KIF4B: variants seen among roughly 807,000 people sequenced by gnomAD.
KIF4B encodes chromosome-associated kinesin KIF4B.
Under a neutral mutation model 69.0 loss-of-function variants are expected in KIF4B, and 60 were observed. That is an observed-to-expected ratio of 0.87 (90% CI 0.71 to 1.08). The LOEUF is 1.08. Ranked by LOEUF, KIF4B falls within the 50% of genes least tolerant of loss-of-function variation. KIF4B has a pLI of 0.00. For synonymous variants in KIF4B, 489 were observed against 533.0 expected (o/e 0.92, Z 1.14); for missense variants, 1,357 against 1,451.9 (o/e 0.93, Z 1.06).
In KIF4B at chr5:155,017,123, T is replaced by C. The variant is rs1462792791; in HGVS notation, c.3264T>C (p.Cys1088=). The C allele has an allele frequency of 1.9e-6, 3 of 1,614,010 alleles. No homozygotes were observed. Among genetic ancestry groups the C allele is most frequent in the South Asian group, 2.2e-5 (2 of 91,086 alleles). Residue 1088 remains cysteine, a synonymous_variant, in exon 1 of 1, where the codon TGT becomes TGC. Transcript: ENST00000435029. Reference sequence around the variant, plus strand: ...TGTCCAGGAAGAACATCCAAGGGTGTTCCTGCAAGGGCTGGTGTGGGAACA... The same window carrying C: ...TGTCCAGGAAGAACATCCAAGGGTGCTCCTGCAAGGGCTGGTGTGGGAACA... ...VKVSRKNIQG[C]SCKGWCGNKQ...
At position 155,014,274 on chromosome 5, in the gene KIF4B, T is replaced by G; in HGVS notation, c.415T>G (p.Ser139Ala). The G allele has an allele frequency of 6.2e-7, 1 of 1,614,230 alleles. No homozygotes were observed. Among genetic ancestry groups the G allele is most frequent in the Non-Finnish European group, 8.5e-7 (1 of 1,180,056 alleles). Residue 139 changes from serine to alanine, a missense_variant, in exon 1 of 1, where the codon TCT becomes GCT. Physicochemically the swap from Ser to Ala is moderately conservative, Grantham distance 99 (BLOSUM62 1). Coordinates refer to ENST00000435029, the MANE Select transcript of KIF4B (RefSeq NM_001099293.3). ...TGACTTTGAATTTACTCTGAAAGTG[T>G]CTTACTTAGAGATTTACAATGAAGA... ...KSDFEFTLKVSYLEIYNEEIL... is the reference protein window; with the variant it reads ...KSDFEFTLKVAYLEIYNEEIL...
Position 155,016,749 on chromosome 5 carries a change from C to T in KIF4B, c.2890C>T (p.Gln964Ter). The change falls in exon 1 of 1, where the codon CAG becomes TAG. Residue 964 changes from glutamine to a stop codon, truncating the protein, a stop_gained. Transcript: ENST00000435029. LOFTEE classifies it low-confidence loss of function (END_TRUNC). ...EKEQQLVSTLQCQDEELEKMR... is the reference protein window; with the variant it reads ...EKEQQLVSTL ...GGAACAACAGCTGGTGAGCACACTG[C>T]AGTGTCAGGATGAAGAACTTGAGAA... 1 of 1,614,116 alleles carries T rather than the reference C, an allele frequency of 6.2e-7. No individual in the cohort carries two copies. Among genetic ancestry groups the T allele is most frequent in the Non-Finnish European group, 8.5e-7 (1 of 1,180,034 alleles).
rs756941906 is a variant in KIF4B at position 155,014,083 on chromosome 5, G to A, written c.224G>A (p.Gly75Asp). 1.2e-6 allele frequency: 2 copies of A among 1,614,084 alleles called. No individual in the cohort carries two copies. Among genetic ancestry groups the A allele is most frequent in the African/African-American group, 2.7e-5 (2 of 74,926 alleles). Residue 75 changes from glycine (G) to aspartate (D), a missense_variant, in exon 1 of 1, where the codon GGC (glycine) becomes GAC (aspartate). Gly to Asp is a moderately conservative substitution (Grantham distance 94). Transcript: ENST00000435029. Reference protein sequence around the residue: ...FNKAVAPLIKGIFKGYNATVL... With the variant: ...FNKAVAPLIKDIFKGYNATVL... The stretch of plus-strand genomic sequence containing the variant: ...AAAGCAGTAGCGCCGCTCATAAAAG[G>A]CATATTTAAAGGATATAATGCAACG...
At position 155,013,903 on chromosome 5, in the gene KIF4B, G is replaced by A. The variant is rs200942753; in HGVS notation, c.44G>A (p.Arg15His). The change falls in exon 1 of 1, where the codon CGT (arginine) becomes CAT (histidine). Residue 15 changes from arginine to histidine, a missense_variant. Physicochemically the swap from Arg to His is conservative, Grantham distance 29. Coordinates refer to ENST00000435029, the MANE Select transcript of KIF4B (RefSeq NM_001099293.3). Reference protein sequence around the residue: ...VKGIPVRVALRCRPLVPKEIS... With the variant: ...VKGIPVRVALHCRPLVPKEIS... Reference sequence around the variant, plus strand: ...GGAATTCCTGTAAGAGTGGCACTGCGTTGTCGCCCTCTGGTCCCCAAAGAG... The same window carrying A: ...GGAATTCCTGTAAGAGTGGCACTGCATTGTCGCCCTCTGGTCCCCAAAGAG... The A allele has an allele frequency of 7.2e-5, 117 of 1,614,052 alleles. No individual in the cohort carries two copies. Among genetic ancestry groups the A allele is most frequent in the Non-Finnish European group, 9.3e-5 (110 of 1,180,052 alleles).
Position 155,013,945 on chromosome 5 carries a change from A to G in KIF4B, c.86A>G (p.Gln29Arg), listed in dbSNP as rs1392317835. ...CCCAAAGAGATTAGCGAGGGCTGCCAGATGTGCCTTTCCTTCGTGCCCGGG... is the reference window on the plus strand; with the variant it reads ...CCCAAAGAGATTAGCGAGGGCTGCCGGATGTGCCTTTCCTTCGTGCCCGGG... ...LVPKEISEGC[Q>R]MCLSFVPGET... is the part of the protein sequence containing the mutation. Residue 29 changes from glutamine (Q) to arginine (R), a missense_variant, in exon 1 of 1, where the codon CAG becomes CGG. Coordinates refer to ENST00000435029, the MANE Select transcript of KIF4B (RefSeq NM_001099293.3). 4.3e-6 allele frequency: 7 copies of G among 1,614,140 alleles called. No individual in the cohort carries two copies. Among genetic ancestry groups the G allele is most frequent in the Non-Finnish European group, 5.9e-6 (7 of 1,180,062 alleles).
chr5:155,017,048 C>G lies in KIF4B; in HGVS notation c.3189C>G (p.Asp1063Glu), dbSNP rs916046052. Reference protein sequence around the residue: ...NEHEDGDGDGDSDEGDDEEWK... With the variant: ...NEHEDGDGDGESDEGDDEEWK... ...ATGAAGATGGTGATGGTGATGGCGA[C>G]AGTGATGAGGGGGATGATGAGGAAT... The change falls in exon 1 of 1, where the codon GAC becomes GAG. Residue 1063 changes from aspartate to glutamate, a missense_variant. Asp to Glu is a conservative substitution (Grantham distance 45, BLOSUM62 2). Transcript: ENST00000435029. 2.5e-6 allele frequency: 4 copies of G among 1,614,102 alleles called. No homozygotes were observed. Among genetic ancestry groups the G allele is most frequent in the Non-Finnish European group, 2.5e-6 (3 of 1,180,022 alleles).
Position 155,014,463 on chromosome 5 carries a change from T to A in KIF4B, c.604T>A (p.Ser202Thr). ...EQGNNSRTVA[S>T]TAMNSQSSRS... is the part of the protein sequence containing the mutation. ...GGGCAACAACTCTAGGACTGTGGCCTCCACAGCTATGAACTCCCAGTCGTC... is the reference window on the plus strand; with the variant it reads ...GGGCAACAACTCTAGGACTGTGGCCACCACAGCTATGAACTCCCAGTCGTC... Residue 202 changes from serine to threonine, a missense_variant, in exon 1 of 1, where the codon TCC (serine) becomes ACC (threonine). Ser to Thr is a moderately conservative substitution (Grantham distance 58). Transcript: ENST00000435029. 6.2e-7 allele frequency: 1 copy of A among 1,614,158 alleles called. No individual in the cohort carries two copies. The highest frequency in any genetic ancestry group is 8.5e-7 in the Non-Finnish European group (1 of 1,180,026).
chr5:155,015,870 G>T lies in KIF4B; in HGVS notation c.2011G>T (p.Glu671Ter), dbSNP rs1317555020. The T allele has an allele frequency of 1.2e-6, 2 of 1,614,126 alleles. No homozygotes were observed. Among genetic ancestry groups the T allele is most frequent in the Admixed American group, 1.7e-5 (1 of 60,012 alleles). ...ACAATGGAAGCAGAAAAAAGACAAA[G>T]AAGTAATACAGTTGAAAGAACGAGA... ...FRQWKQKKDK[E>*]VIQLKERDRK... Residue 671 changes from glutamate (E) to a stop codon, truncating the protein, a stop_gained, in exon 1 of 1, where the codon GAA (glutamate) becomes TAA (stop). Transcript: ENST00000435029. LOFTEE classifies it high-confidence loss of function.
Position 155,016,289 on chromosome 5 carries a change from G to A in KIF4B, c.2430G>A (p.Leu810=). The A allele has an allele frequency of 6.2e-7, 1 of 1,614,156 alleles. No homozygotes were observed. The highest frequency in any genetic ancestry group is 8.5e-7 in the Non-Finnish European group (1 of 1,180,022). ...FSLSEVHGQV[L]ESEDCITKQI... ...TTTCTGAGGTGCATGGTCAAGTTTT[G>A]GAGTCAGAAGATTGTATTACAAAAC... is the stretch of plus-strand genomic sequence containing the variant. Residue 810 remains leucine, a synonymous_variant, in exon 1 of 1, where the codon TTG becomes TTA. Transcript: ENST00000435029.
At position 155,014,578 on chromosome 5, in the gene KIF4B, A is replaced by C; in HGVS notation, c.719A>C (p.Asp240Ala). The C allele has an allele frequency of 6.2e-7, 1 of 1,614,178 alleles. No individual in the cohort carries two copies. Among genetic ancestry groups the C allele is most frequent in the South Asian group, 1.1e-5 (1 of 91,086 alleles). Reference sequence around the variant, plus strand: ...TTTCGCTCCAAGCTGCATCTTGTAGATCTCGCTGGATCAGAAAGACAGAAG... The same window carrying C: ...TTTCGCTCCAAGCTGCATCTTGTAGCTCTCGCTGGATCAGAAAGACAGAAG... ...CSFRSKLHLV[D>A]LAGSERQKKT... Residue 240 changes from aspartate to alanine, a missense_variant, in exon 1 of 1, where the codon GAT becomes GCT. Physicochemically the swap from Asp to Ala is moderately radical, Grantham distance 126. Transcript: ENST00000435029.
Position 155,017,709 on chromosome 5 carries a change from AC to A in KIF4B, c.*147del, listed in dbSNP as rs1379396737. 7.2e-7 allele frequency: 1 copy of A among 1,393,438 alleles called. No homozygotes were observed. Among genetic ancestry groups the A allele is most frequent in the Non-Finnish European group, 9.5e-7 (1 of 1,049,576 alleles). The allele number at this position is 1,393,438 out of a possible 1,614,324, so 86.3% of individuals were successfully genotyped here. A position where few individuals can be genotyped will look rare whatever the true frequency, so the allele number is the denominator to read the frequency against. On this transcript the variant is annotated 3_prime_UTR_variant, in exon 1 of 1. Coordinates refer to ENST00000435029, the MANE Select transcript of KIF4B (RefSeq NM_001099293.3). ...ACAAAGCATTACTAAAAAGAAGGTA[AC>A]CTTTGTTGGATGTTGTCCCTCAGTC...
chr5:155,013,935 G>A lies in KIF4B; in HGVS notation c.76G>A (p.Glu26Lys), dbSNP rs1390704156. 6.2e-7 allele frequency: 1 copy of A among 1,614,262 alleles called. No individual in the cohort carries two copies. Among genetic ancestry groups the A allele is most frequent in the East Asian group, 2.2e-5 (1 of 44,884 alleles). ...CCCTCTGGTCCCCAAAGAGATTAGCGAGGGCTGCCAGATGTGCCTTTCCTT... is the reference window on the plus strand; with the variant it reads ...CCCTCTGGTCCCCAAAGAGATTAGCAAGGGCTGCCAGATGTGCCTTTCCTT... ...CRPLVPKEIS[E>K]GCQMCLSFVP... The change falls in exon 1 of 1, where the codon GAG becomes AAG. Residue 26 changes from glutamate to lysine, a missense_variant. By Grantham distance (56) the Glu-to-Lys change is moderately conservative. Transcript: ENST00000435029.
At position 155,014,584 on chromosome 5, in the gene KIF4B, C is replaced by T. The variant is rs770841855; in HGVS notation, c.725C>T (p.Ala242Val). 1 of 1,604,032 alleles carries T rather than the reference C, an allele frequency of 6.2e-7. No individual in the cohort carries two copies. The highest frequency in any genetic ancestry group is 8.5e-7 in the Non-Finnish European group (1 of 1,175,672). ...TCCAAGCTGCATCTTGTAGATCTCGCTGGATCAGAAAGACAGAAGAAAACC... is the reference window on the plus strand; with the variant it reads ...TCCAAGCTGCATCTTGTAGATCTCGTTGGATCAGAAAGACAGAAGAAAACC... ...FRSKLHLVDL[A>V]GSERQKKTKA... Residue 242 changes from alanine (A) to valine (V), a missense_variant, in exon 1 of 1, where the codon GCT becomes GTT. Transcript: ENST00000435029.
Position 155,017,274 on chromosome 5 carries a change from G to A in KIF4B, c.3415G>A (p.Glu1139Lys), listed in dbSNP as rs377248697. Residue 1139 changes from glutamate (E) to lysine (K), a missense_variant, in exon 1 of 1, where the codon GAA (glutamate) becomes AAA (lysine). By Grantham distance (56) the Glu-to-Lys change is moderately conservative. Transcript: ENST00000435029. Reference sequence around the variant, plus strand: ...CACTGTTGAACAGACCCAGGATTCCGAAGGCTCCTTCAAACTGGAGGATCC... The same window carrying A: ...CACTGTTGAACAGACCCAGGATTCCAAAGGCTCCTTCAAACTGGAGGATCC... Reference protein sequence around the residue: ...LGTVEQTQDSEGSFKLEDPTE... With the variant: ...LGTVEQTQDSKGSFKLEDPTE... The A allele has an allele frequency of 1.6e-5, 26 of 1,614,032 alleles. No individual in the cohort carries two copies. The highest frequency in any genetic ancestry group is 1.9e-5 in the Non-Finnish European group (23 of 1,180,038).
Position 155,014,828 on chromosome 5 carries a change from A to C in KIF4B, c.969A>C (p.Thr323=). 1.2e-6 allele frequency: 2 copies of C among 1,614,210 alleles called. No homozygotes were observed. Among genetic ancestry groups the C allele is most frequent in the Non-Finnish European group, 1.7e-6 (2 of 1,180,046 alleles). ...VSPADSNLEE[T]LSTLRYADRA... The stretch of plus-strand genomic sequence containing the variant: ...CTGCTGACTCCAATCTAGAGGAAAC[A>C]TTAAGTACCCTTCGCTATGCTGACA... The change falls in exon 1 of 1, where the codon ACA becomes ACC. Residue 323 remains threonine, a synonymous_variant. Transcript: ENST00000435029.
In KIF4B at chr5:155,016,246, G is replaced by A. The variant is rs373982671; in HGVS notation, c.2387G>A (p.Arg796Gln). 1.2e-5 allele frequency: 19 copies of A among 1,614,010 alleles called. No homozygotes were observed. Among genetic ancestry groups the A allele is most frequent in the Admixed American group, 5.0e-5 (3 of 59,996 alleles). Residue 796 changes from arginine (R) to glutamine (Q), a missense_variant, in exon 1 of 1, where the codon CGG becomes CAG. Transcript: ENST00000435029. ...CGGGAGAATCCACCTCCTAAACTCC[G>A]GAAGTGTACATTCTCCCTTTCTGAG... ...ESRENPPPKL[R>Q]KCTFSLSEVH... is the part of the protein sequence containing the mutation.
rs759302218 is a variant in KIF4B at position 155,017,385 on chromosome 5, G to A, written c.3526G>A (p.Glu1176Lys). The A allele has an allele frequency of 6.2e-7, 1 of 1,614,142 alleles. No individual in the cohort carries two copies. The highest frequency in any genetic ancestry group is 8.5e-7 in the Non-Finnish European group (1 of 1,180,038). Residue 1176 changes from glutamate (E) to lysine (K), a missense_variant, in exon 1 of 1, where the codon GAG (glutamate) becomes AAG (lysine). Glu to Lys is a moderately conservative substitution (Grantham distance 56). Transcript: ENST00000435029. ...GATCCTGAAAGAGATGTGTGACATGGAGCAGGTGCTGTCAAAGAAGACTGC... is the reference window on the plus strand; with the variant it reads ...GATCCTGAAAGAGATGTGTGACATGAAGCAGGTGCTGTCAAAGAAGACTGC... ...SKILKEMCDM[E>K]QVLSKKTAPA...
At position 155,014,174 on chromosome 5, in the gene KIF4B, G is replaced by C. The variant is rs753649714; in HGVS notation, c.315G>C (p.Glu105Asp). 6.2e-7 allele frequency: 1 copy of C among 1,614,258 alleles called. No individual in the cohort carries two copies. Among genetic ancestry groups the C allele is most frequent in the Non-Finnish European group, 8.5e-7 (1 of 1,180,050 alleles). Residue 105 changes from glutamate (E) to aspartate (D), a missense_variant, in exon 1 of 1, where the codon GAG becomes GAC. Physicochemically the swap from Glu to Asp is conservative, Grantham distance 45 (BLOSUM62 2). Coordinates refer to ENST00000435029, the MANE Select transcript of KIF4B (RefSeq NM_001099293.3). Reference sequence around the variant, plus strand: ...CAATGGGAGGTGCATACACTGCGGAGCAGGAGAATGAACCAACAGTTGGCA... The same window carrying C: ...CAATGGGAGGTGCATACACTGCGGACCAGGAGAATGAACCAACAGTTGGCA... ...TYSMGGAYTA[E>D]QENEPTVGII... is the part of the protein sequence containing the mutation.
Position 155,015,813 on chromosome 5 carries a change from C to G in KIF4B, c.1954C>G (p.Arg652Gly), listed in dbSNP as rs751821797. The G allele has an allele frequency of 2.5e-6, 4 of 1,614,028 alleles. No homozygotes were observed. In the South Asian group the frequency reaches 3.3e-5, roughly 13 times the overall value. Residue 652 changes from arginine to glycine, a missense_variant, in exon 1 of 1, where the codon CGT becomes GGT. Coordinates refer to ENST00000435029, the MANE Select transcript of KIF4B (RefSeq NM_001099293.3). The part of the protein sequence containing the change: ...MMKNQRVQLM[R>G]QMKEDAEKFR... ...GAAAAACCAGCGGGTACAGTTAATG[C>G]GTCAAATGAAAGAGGATGCTGAGAA...
Sources: gnomAD v4.1 joint callset for allele counts on GRCh38, gnomAD v4.1.1 for gene constraint, MANE v1.5 for transcripts, NCBI Gene and HGNC (gene_info 2026-07-23, HGNC 2026-07-21) for gene names.